Variants in SCEL observed in about 807,000 individuals in gnomAD.
SCEL encodes the protein sciellin.
Under a neutral mutation model 117.6 loss-of-function variants are expected in SCEL, and 113 were observed. The ratio of observed to expected loss-of-function variants is 0.96; its 90% CI spans 0.83 to 1.12. The LOEUF (loss-of-function observed/expected upper bound fraction) is 1.12, where lower values mean the gene tolerates loss of function less well. SCEL is among the 50% of genes most tolerant of loss of function. The pLI is 0.00. For synonymous variants in SCEL, 270 were observed against 256.2 expected (o/e 1.05, Z -0.51); for missense variants, 785 against 810.8 (o/e 0.97, Z 0.39).
intron 1 of SCEL, among the ~76,000 whole-genome samples, chr13:77,554,954 T>C (rs992102917): frequency 2.6e-5 from 4 of 152,130 alleles, no homozygotes; most frequent in Non-Finnish European, 5.9e-5. Context: ...GACCCAGAGC[T>C]AACTAAGGCA....
In SCEL at chr13:77,593,298, C is replaced by CGCGCGTCTG. The variant is rs1195863187; in HGVS notation, c.693-216_693-215insGCGCGTCTG. ...TGTGTGTGTGTGTGTGTGTGTGTGT[C>CGCGCGTCTG]TGTGTGTGTGTGTGTGTGTGTCAGT... On this transcript the variant is annotated intron_variant, in intron 11 of 32. Coordinates refer to ENST00000349847, the MANE Select transcript of SCEL (RefSeq NM_144777.3). Among the ~76,000 whole-genome samples, 121 of 73,734 alleles carry CGCGCGTCTG rather than the reference C, an allele frequency of 1.6e-3. 3 individuals are homozygous for CGCGCGTCTG. Among genetic ancestry groups the CGCGCGTCTG allele is most frequent in the African/African-American group, 5.8e-3 (100 of 17,114 alleles). The allele number at this position is 73,734 out of a possible 152,430, so 48.4% of individuals were successfully genotyped here.
At chr13:77,584,488 G>A (rs1010295738) in intron 9 of SCEL, among the ~76,000 whole-genome samples, 9 of 151,952 alleles carry the variant, frequency 5.9e-5, no homozygotes, top group East Asian at 5.8e-4. Flanking sequence ...CCTTTCCTGC[G>A]TATTCTCCAG....
At chr13:77,628,195 C>T (rs963393990) in intron 28 of SCEL, among the ~76,000 whole-genome samples, 186 bp downstream of exon 28, 1 of 129,340 alleles carries the variant, frequency 7.7e-6, no homozygotes, top group African/African-American at 3.2e-5. Flanking sequence ...TATATATCAT[C>T]CAAATACAAA....
chr13:77,636,470 T>C (rs2090282504), intron 29 of SCEL, among the ~76,000 whole-genome samples: 2 of 152,174 alleles, frequency 1.3e-5, no homozygotes, highest in Admixed American at 1.3e-4. Flanking sequence ...AACATATTGC[T>C]CCTATTCTTA....
chr13:77,586,629 C>T (rs975555181), intron 9 of SCEL, among the ~76,000 whole-genome samples: 1 of 152,154 alleles, frequency 6.6e-6, no homozygotes, highest in African/African-American at 2.4e-5. Context: ...TCAGTCTATT[C>T]TGTTCCTCCT....
At chr13:77,613,563 A>G (rs1331942579) in intron 23 of SCEL, among the ~76,000 whole-genome samples, 2 of 152,048 alleles carry the variant, frequency 1.3e-5, no homozygotes, top group African/African-American at 2.4e-5. Flanking sequence ...GGTGTTGGGG[A>G]AAGGAGTGTG....
chr13:77,540,727 G>A (rs1394854447), intron 1 of SCEL, among the ~76,000 whole-genome samples: 1 of 152,192 alleles, frequency 6.6e-6, no homozygotes, highest in African/African-American at 2.4e-5. Flanking sequence ...TGGGGAGTTG[G>A]GGGAAATGAG....
rs954619576 is a variant in SCEL, at chr13:77,604,545, C to A, written c.1157+130C>A. 3 of 643,320 alleles carry A rather than the reference C, an allele frequency of 4.7e-6. No individual in the cohort carries two copies. The African/African-American group carries it at 5.7e-5, about 12-fold the overall frequency. 39.9% of individuals were successfully genotyped at this position (643,320 alleles called of 1,614,324 possible). A position where few individuals can be genotyped will look rare whatever the true frequency, so the allele number is the denominator to read the frequency against. On this transcript the variant is annotated intron_variant, in intron 19 of 32. Coordinates refer to ENST00000349847, the MANE Select transcript of SCEL (RefSeq NM_144777.3). ...CAAACTGAGCTCTTTTTTCTCTAAA[C>A]ACTTCATAGTAAGTAATTCTGTGCA...
chr13:77,595,462 T>C (rs1176430918), intron 12 of SCEL, among the ~76,000 whole-genome samples: 1 of 152,252 alleles, frequency 6.6e-6, no homozygotes, highest in Non-Finnish European at 1.5e-5. Context: ...TTAAGTTTTT[T>C]ATTTGGAATA....
chr13:77,597,797 T>C (rs2087336990), intron 13 of SCEL, among the ~76,000 whole-genome samples: 1 of 152,006 alleles, frequency 6.6e-6, no homozygotes, highest in East Asian at 1.9e-4. Context: ...AAAGTGTTCT[T>C]GATTTTCATA....
Position 77,603,132 on chromosome 13 carries a change from C to T in SCEL, c.1094C>T (p.Thr365Ile), listed in dbSNP as rs2087841700. ...EVNPKGHENT[T>I]GKKDLDGLIK... ...AATCCCAAAGGACATGAAAATACCA[C>T]TGGGTAAAAATAATTAATGTCTTTA... The change falls in exon 18 of 33, where the codon ACT becomes ATT. Residue 365 changes from threonine to isoleucine, a missense_variant. Transcript: ENST00000349847. 1.3e-6 allele frequency: 2 copies of T among 1,531,246 alleles called. No homozygotes were observed. Among genetic ancestry groups the T allele is most frequent in the Non-Finnish European group, 1.8e-6 (2 of 1,124,746 alleles). The allele number at this position is 1,531,246 out of a possible 1,614,324, so 94.9% of individuals were successfully genotyped here.
In SCEL at chr13:77,568,334, G is replaced by A; in HGVS notation, c.398+1G>A. The stretch of plus-strand genomic sequence containing the variant: ...TTAGATCACTGGAAGTAACAAAGTT[G>A]TATGTATTCTTTCTAATTGTAGTAT... On this transcript the variant is annotated splice_donor_variant, in intron 7 of 32. Coordinates refer to ENST00000349847, the MANE Select transcript of SCEL (RefSeq NM_144777.3). LOFTEE classifies it high-confidence loss of function. The A allele has an allele frequency of 6.5e-7, 1 of 1,549,170 alleles. No individual in the cohort carries two copies. Among genetic ancestry groups the A allele is most frequent in the African/African-American group, 1.4e-5 (1 of 73,306 alleles).
At chr13:77,553,529 T>C (rs2154395438) in intron 1 of SCEL, among the ~76,000 whole-genome samples, 1 of 152,294 alleles carries the variant, frequency 6.6e-6, no homozygotes, top group South Asian at 2.1e-4. Flanking sequence ...AAATAGTCAC[T>C]AGTTGAGCTT....
At chr13:77,575,335 A>G (rs1052205244) in intron 9 of SCEL, among the ~76,000 whole-genome samples, 44 of 152,180 alleles carry the variant, frequency 2.9e-4, no homozygotes, top group African/African-American at 1.0e-3. Flanking sequence ...ATGTTAGTCT[A>G]TCTTTATAAT....
intron 9 of SCEL, among the ~76,000 whole-genome samples, chr13:77,583,827 G>A (rs1015708566): frequency 1.3e-5 from 2 of 152,148 alleles, no homozygotes; most frequent in Non-Finnish European, 2.9e-5. Flanking sequence ...AAGTCACAGA[G>A]CCAAGCATGT....
At chr13:77,554,803 A>G (rs1411490453) in intron 1 of SCEL, among the ~76,000 whole-genome samples, 1 of 152,126 alleles carries the variant, frequency 6.6e-6, no homozygotes, top group Admixed American at 6.5e-5. Flanking sequence ...TTGAGCTTGA[A>G]TGCCCCTCCT....
At chr13:77,537,483 T>C (rs1279133482) in intron 1 of SCEL, among the ~76,000 whole-genome samples, 9 of 152,214 alleles carry the variant, frequency 5.9e-5, no homozygotes, top group Non-Finnish European at 4.4e-5. Context: ...TGTGGAAATA[T>C]TATAGTGTGT....
intron 6 of SCEL, 133 bp downstream of exon 6, chr13:77,567,881 A>G: frequency 1.7e-6 from 1 of 602,614 alleles, no homozygotes; most frequent in Non-Finnish European, 2.9e-6. Flanking sequence ...ACTCCTGTTC[A>G]TGGCTAGAAT....
chr13:77,603,648 C>G (rs997743241), intron 18 of SCEL, among the ~76,000 whole-genome samples: 1 of 152,164 alleles, frequency 6.6e-6, no homozygotes, highest in African/African-American at 2.4e-5. Context: ...TCTGTCTTCC[C>G]CTCCTGTCCC....
Sources: allele counts gnomAD v4.1 joint callset (sites outside exome capture counted in the v4.1 genomes callset), GRCh38; gene constraint gnomAD v4.1.1; transcripts MANE v1.5; gene names NCBI Gene and HGNC (gene_info 2026-07-23, HGNC 2026-07-21).